Variants in GCNT2 observed in about 807,000 individuals in gnomAD.
GCNT2 encodes glucosaminyl (N-acetyl) transferase 2 (I blood group).
GCNT2 carries 34 observed loss-of-function variants against 34.2 expected under a neutral mutation model. The ratio of observed to expected loss-of-function variants is 1.00; its 90% CI spans 0.76 to 1.32. The LOEUF is 1.32. GCNT2 is among the 40% of genes most tolerant of loss of function. GCNT2 has a pLI of 0.00. For synonymous variants in GCNT2, 212 were observed against 188.0 expected (o/e 1.13, Z -1.04); for missense variants, 584 against 489.4 (o/e 1.19, Z -1.82).
At chr6:10,533,481 A>C (rs760863047) in intron 3 of GCNT2, among the ~76,000 whole-genome samples, 2 of 151,154 alleles carry the variant, frequency 1.3e-5, no homozygotes, top group Non-Finnish European at 3.0e-5. Context: ...GAAGCAGATA[A>C]TATGAATTTA....
rs1766313657 is a variant in GCNT2, at chr6:10,627,534, C to G, written c.*927C>G. 1 of 152,178 alleles carries G rather than the reference C, an allele frequency of 6.6e-6. No individual in the cohort carries two copies. The highest frequency in any genetic ancestry group is 1.5e-5 in the Non-Finnish European group (1 of 68,044). The allele number at this position is 152,178 out of a possible 1,614,324, so 9.4% of individuals were successfully genotyped here. On this transcript the variant is annotated 3_prime_UTR_variant, in exon 5 of 5. Coordinates refer to ENST00000495262, the MANE Select transcript of GCNT2 (RefSeq NM_145649.5). Reference sequence around the variant, plus strand: ...CTGAGTAGCTTTACACTGCCTGGTACTGATAGTAGTGGCTCGATTTTTAAG... The same window carrying G: ...CTGAGTAGCTTTACACTGCCTGGTAGTGATAGTAGTGGCTCGATTTTTAAG...
At chr6:10,581,224 A>T (rs912438641) in intron 3 of GCNT2, among the ~76,000 whole-genome samples, 4 of 152,164 alleles carry the variant, frequency 2.6e-5, no homozygotes, top group Non-Finnish European at 5.9e-5. Flanking sequence ...AGGACAAATG[A>T]TGTACATGGT....
At chr6:10,611,334 CTTTT>C (rs200808872) in intron 3 of GCNT2, among the ~76,000 whole-genome samples, 3 of 136,444 alleles carry the variant, frequency 2.2e-5, no homozygotes, top group Admixed American at 7.5e-5. Flanking sequence ...TTCTTTCTTT[CTTTT>C]TTTTTTTTTT....
chr6:10,524,341 C>T (rs1434988012), intron 1 of GCNT2, among the ~76,000 whole-genome samples: 18 of 151,362 alleles, frequency 1.2e-4, no homozygotes, highest in Admixed American at 1.2e-3. Context: ...ACCTTCGCCT[C>T]CCGGGGTTCA....
chr6:10,594,414 AT>A (rs1164950668), intron 3 of GCNT2, among the ~76,000 whole-genome samples: 1 of 152,208 alleles, frequency 6.6e-6, no homozygotes, highest in Non-Finnish European at 1.5e-5. Context: ...AATAACTGAT[AT>A]TTGGGATGTA....
chr6:10,564,458 T>A (rs1763188186), intron 3 of GCNT2, among the ~76,000 whole-genome samples: 1 of 152,196 alleles, frequency 6.6e-6, no homozygotes, highest in Non-Finnish European at 1.5e-5. Flanking sequence ...TCCTGGAGTG[T>A]AGAAGTCAAG....
intron 3 of GCNT2, among the ~76,000 whole-genome samples, chr6:10,606,634 A>ATTAAAGAAATTTAATGGAAATTTCCG (rs1765324802): frequency 6.9e-6 from 1 of 144,472 alleles, no homozygotes; most frequent in African/African-American, 2.5e-5. Flanking sequence ...GGAAATTTCC[A>ATTAAAGAAATTTAATGGAAATTTCCG]TTAAAGAAAT....
chr6:10,616,322 A>G (rs879945113), intron 3 of GCNT2, among the ~76,000 whole-genome samples: 1 of 150,658 alleles, frequency 6.6e-6, no homozygotes, highest in Admixed American at 6.6e-5. Flanking sequence ...CCCAAACAGT[A>G]AGCAGTACAA....
chr6:10,599,286 C>T (rs916997366), intron 3 of GCNT2, among the ~76,000 whole-genome samples: 9 of 152,216 alleles, frequency 5.9e-5, no homozygotes, highest in African/African-American at 2.2e-4. Context: ...CGCTAGGAAA[C>T]ACAGGGAGCC....
intron 3 of GCNT2, among the ~76,000 whole-genome samples, chr6:10,582,258 A>ATATAT (rs1764118797): frequency 3.4e-5 from 4 of 119,366 alleles, no homozygotes; most frequent in African/African-American, 1.4e-4. Flanking sequence ...TATATAATAT[A>ATATAT]TACTATATAT....
chr6:10,556,250 G>T lies in GCNT2; in HGVS notation c.925+26414G>T, dbSNP rs938474699. ...GGATCTGGCTGTAATATCGGCACAGGGACAGAGACAGCAGCTGGACTCTCG... is the reference window on the plus strand; with the variant it reads ...GGATCTGGCTGTAATATCGGCACAGTGACAGAGACAGCAGCTGGACTCTCG... On this transcript the variant is annotated intron_variant, in intron 3 of 4. Transcript: ENST00000495262. The T allele has an allele frequency of 2.1e-5, 31 of 1,467,508 alleles. No homozygotes were observed. The Middle Eastern group carries it at 7.5e-4, about 35-fold the overall frequency. 90.9% of individuals were successfully genotyped at this position (1,467,508 alleles called of 1,614,324 possible). A position where few individuals can be genotyped will look rare whatever the true frequency, so the allele number is the denominator to read the frequency against.
chr6:10,609,225 C>G (rs1765450183), intron 3 of GCNT2, among the ~76,000 whole-genome samples: 1 of 152,178 alleles, frequency 6.6e-6, no homozygotes, highest in Non-Finnish European at 1.5e-5. Context: ...GCTCCTGATT[C>G]TGGAGGCTGG....
chr6:10,557,697 C>G (rs1481948852), intron 3 of GCNT2, among the ~76,000 whole-genome samples: 2 of 152,070 alleles, frequency 1.3e-5, no homozygotes, highest in African/African-American at 4.8e-5. Flanking sequence ...CGCTATGTTG[C>G]CCAGGCTGGT....
chr6:10,601,461 G>A (rs1372273415), intron 3 of GCNT2, among the ~76,000 whole-genome samples: 1 of 152,040 alleles, frequency 6.6e-6, no homozygotes, highest in Non-Finnish European at 1.5e-5. Context: ...GATCATACAA[G>A]AGCATCATGG....
intron 3 of GCNT2, 128 bp from the exon 4 acceptor site, chr6:10,621,223 A>C (rs1012896076): frequency 4.2e-6 from 3 of 711,786 alleles, no homozygotes; most frequent in Non-Finnish European, 7.6e-6. Context: ...AGTACATACC[A>C]ATCTGTGTGA....
rs568786016 is a variant in GCNT2 at position 10,576,686 on chromosome 6, GGA to G, written c.926-44654_926-44653del. 4.8e-3 allele frequency among the ~76,000 whole-genome samples: 722 copies of G among 151,380 alleles called. 3 individuals are homozygous for G. Among genetic ancestry groups the G allele is most frequent in the South Asian group, 0.018 (86 of 4,792 alleles). ...AGGACAGAGACAGAAAGAGATTTGGGGAGAGAGAGAGACACACACATAGAAAG... is the reference window on the plus strand; with the variant it reads ...AGGACAGAGACAGAAAGAGATTTGGGGAGAGAGAGACACACACATAGAAAG... On this transcript the variant is annotated intron_variant, in intron 3 of 4. Coordinates refer to ENST00000495262, the MANE Select transcript of GCNT2 (RefSeq NM_145649.5).
At chr6:10,544,472 G>A (rs1762175314) in intron 3 of GCNT2, among the ~76,000 whole-genome samples, 1 of 149,436 alleles carries the variant, frequency 6.7e-6, no homozygotes, top group South Asian at 2.1e-4. Context: ...GGGCGTGGTG[G>A]CAGGTGCCTA....
chr6:10,529,983 T>C, intron 3 of GCNT2, 147 bp downstream of exon 3: 1 of 687,418 alleles, frequency 1.5e-6, no homozygotes, highest in South Asian at 1.8e-5. Flanking sequence ...ATCTGTAAAA[T>C]GGTAAAATGG....
In GCNT2 at chr6:10,607,750, A is replaced by G. The variant is rs144053234; in HGVS notation, c.926-13601A>G. ...GTTTTGTTAATAAAATTGATAATTA[A>G]TGATGATAGATACTTTAACAGCACT... is the stretch of plus-strand genomic sequence containing the variant. On this transcript the variant is annotated intron_variant, in intron 3 of 4. Transcript: ENST00000495262. 7.5e-4 allele frequency among the ~76,000 whole-genome samples: 114 copies of G among 152,316 alleles called. 1 individual carries two copies. Among genetic ancestry groups the G allele is most frequent in the African/African-American group, 2.6e-3 (107 of 41,572 alleles).
Sources: gnomAD v4.1 joint callset for allele counts (sites outside exome capture counted in the v4.1 genomes callset) on GRCh38, gnomAD v4.1.1 for gene constraint, MANE v1.5 for transcripts, NCBI Gene and HGNC (gene_info 2026-07-23, HGNC 2026-07-21) for gene names.